PCDHGA3: variants seen among roughly 807,000 people sequenced by gnomAD.
The protein encoded by PCDHGA3 is protocadherin gamma subfamily A, 3, also known as protocadherin gamma-A3.
In PCDHGA3, 40 loss-of-function variants were observed where a neutral mutation model predicts 58.5. The observed-to-expected ratio is 0.68, with a 90% CI of 0.53 to 0.89. PCDHGA3 has a LOEUF of 0.89. Among genes scored for constraint, PCDHGA3 ranks in the 40% least tolerant of loss-of-function variants. The pLI is 0.00. For synonymous variants in PCDHGA3, 530 were observed against 525.7 expected, an observed-to-expected ratio of 1.01 and a Z score of -0.11; for missense variants, 1,223 against 1,195.9, an observed-to-expected ratio of 1.02 and a Z score of -0.33.
intron 1 of PCDHGA3, chr5:141,417,735 C>T (rs1408012587): frequency 1.4e-6 from 2 of 1,398,382 alleles, no homozygotes; most frequent in African/African-American, 2.9e-5. Flanking sequence ...CCTTGCCCAG[C>T]ACACCAGATT....
chr5:141,427,936 G>A, intron 1 of PCDHGA3: 1 of 1,584,966 alleles, frequency 6.3e-7, no homozygotes, highest in Admixed American at 1.7e-5. Context: ...ATGTTGGTGG[G>A]CGACCTCAAT....
intron 1 of PCDHGA3, among the ~76,000 whole-genome samples, chr5:141,467,951 A>G (rs2099155044): frequency 6.6e-6 from 1 of 151,944 alleles, no homozygotes; most frequent in East Asian, 1.9e-4. Context: ...GAGCCACCAC[A>G]CCCGGCTGCC....
chr5:141,485,070 G>T lies in PCDHGA3; in HGVS notation c.2425-9737G>T. ...CGCCGGCCGAACCGCGCCAGAGCTG[G>T]CGCGGGGAAAGGGAGATAGGTGTCT... On this transcript the variant is annotated intron_variant, in intron 1 of 3. Coordinates refer to ENST00000253812, the MANE Select transcript of PCDHGA3 (RefSeq NM_018916.4). This position sits in a 1 kb window ranked among gnomAD's most constrained non-coding sequence, Gnocchi z 5.7. 1.1e-6 allele frequency: 1 copy of T among 908,406 alleles called. No individual in the cohort carries two copies. Among genetic ancestry groups the T allele is most frequent in the East Asian group, 2.4e-5 (1 of 41,326 alleles). 56.3% of individuals were successfully genotyped at this position (908,406 alleles called of 1,614,324 possible).
intron 1 of PCDHGA3, chr5:141,366,318 C>T (rs767826248): frequency 8.7e-6 from 14 of 1,613,774 alleles, no homozygotes; most frequent in Non-Finnish European, 1.2e-5. Flanking sequence ...GTCACCGTTG[C>T]CGTGGCCGAC....
intron 1 of PCDHGA3, chr5:141,414,585 C>CA: frequency 6.2e-7 from 1 of 1,613,968 alleles, no homozygotes; most frequent in East Asian, 2.2e-5. Flanking sequence ...AGAACAACGC[C>CA]AGGGGTGCCT....
chr5:141,428,180 C>A, intron 1 of PCDHGA3: 1 of 1,486,268 alleles, frequency 6.7e-7, no homozygotes, highest in Non-Finnish European at 9.2e-7. Flanking sequence ...TGACGGAGGA[C>A]AGCCGCCGCT....
At chr5:141,404,252 A>G (rs2094504105) in intron 1 of PCDHGA3, 8 of 1,613,986 alleles carry the variant, frequency 5.0e-6, no homozygotes, top group South Asian at 1.1e-5. Context: ...GCCCCTGTCC[A>G]CAGAAATTCA....
At position 141,485,402 on chromosome 5, in the gene PCDHGA3, G is replaced by T. The variant is rs375700791; in HGVS notation, c.2425-9405G>T. ...AGAGGTGAACCAAAGACACTTCCGTGTGGATTTGGACAGCGGAGCCCTGCT... is the reference window on the plus strand; with the variant it reads ...AGAGGTGAACCAAAGACACTTCCGTTTGGATTTGGACAGCGGAGCCCTGCT... On this transcript the variant is annotated intron_variant, in intron 1 of 3. Coordinates refer to ENST00000253812, the MANE Select transcript of PCDHGA3 (RefSeq NM_018916.4). This position sits in a 1 kb window ranked among gnomAD's most constrained non-coding sequence, Gnocchi z 5.7. The T allele has an allele frequency of 6.2e-7, 1 of 1,614,194 alleles. No homozygotes were observed. Among genetic ancestry groups the T allele is most frequent in the East Asian group, 2.2e-5 (1 of 44,878 alleles).
chr5:141,419,311 C>T (rs745852942), intron 1 of PCDHGA3: 4 of 1,613,876 alleles, frequency 2.5e-6, no homozygotes, highest in East Asian at 4.5e-5. Context: ...TCGGGCTCAA[C>T]GGCCGTGTCT....
intron 1 of PCDHGA3, chr5:141,366,578 C>T: frequency 6.2e-7 from 1 of 1,614,264 alleles, no homozygotes; most frequent in Non-Finnish European, 8.5e-7. Flanking sequence ...TCGGGCTTTC[C>T]TGCAGACCTA....
At position 141,431,495 on chromosome 5, in the gene PCDHGA3, G is replaced by A. The variant is rs557611439; in HGVS notation, c.2425-63312G>A. The A allele has an allele frequency of 4.3e-6, 7 of 1,613,864 alleles. No homozygotes were observed. The highest frequency in any genetic ancestry group is 1.1e-5 in the South Asian group (1 of 91,092). On this transcript the variant is annotated intron_variant, in intron 1 of 3. Coordinates refer to ENST00000253812, the MANE Select transcript of PCDHGA3 (RefSeq NM_018916.4). This position sits in a 1 kb window ranked among gnomAD's most constrained non-coding sequence, Gnocchi z 4.8. ...CAACGCACCAGCGTTTGCTCAGCCC[G>A]AGTACCGCGCGAGCGTTCCGGAGAA...
chr5:141,395,489 A>C (rs1268928793), intron 1 of PCDHGA3: 1 of 480,438 alleles, frequency 2.1e-6, no homozygotes, highest in Non-Finnish European at 3.6e-6. Flanking sequence ...TCCTATTATC[A>C]CTCATTCACT....
At chr5:141,362,170 C>G (rs1394296027) in intron 1 of PCDHGA3, 1 of 1,613,918 alleles carries the variant, frequency 6.2e-7, no homozygotes, top group Non-Finnish European at 8.5e-7. Flanking sequence ...CAGCGACCGC[C>G]GGGAGCCCTC....
At chr5:141,484,801 A>G (rs1285617622) in intron 1 of PCDHGA3, among the ~76,000 whole-genome samples, 3 of 152,024 alleles carry the variant, frequency 2.0e-5, no homozygotes, top group African/African-American at 7.2e-5. Flanking sequence ...CAACCCGTGG[A>G]AAAACATGCC....
At chr5:141,484,639 C>A (rs1366750263) in intron 1 of PCDHGA3, among the ~76,000 whole-genome samples, 1 of 151,938 alleles carries the variant, frequency 6.6e-6, no homozygotes, top group Non-Finnish European at 1.5e-5. Context: ...AGTGACCACT[C>A]TCCAATGGCT....
At chr5:141,466,384 T>C (rs1209046694) in intron 1 of PCDHGA3, among the ~76,000 whole-genome samples, 9 of 152,168 alleles carry the variant, frequency 5.9e-5, no homozygotes, top group Non-Finnish European at 1.3e-4. Context: ...ACCCATCTAA[T>C]GGAAAGTTTG....
intron 1 of PCDHGA3, chr5:141,374,609 A>T (rs1189289267): frequency 1.9e-6 from 3 of 1,613,652 alleles, no homozygotes; most frequent in Non-Finnish European, 2.5e-6. Context: ...CAGTGGTAAT[A>T]GTCACTTCTC....
At chr5:141,508,859 G>C (rs1268915304) in intron 3 of PCDHGA3, among the ~76,000 whole-genome samples, 1 of 152,086 alleles carries the variant, frequency 6.6e-6, no homozygotes, top group Non-Finnish European at 1.5e-5. Flanking sequence ...CCCAGGCTGG[G>C]AAAGGCTGAA....
At chr5:141,474,419 A>AT (rs1348108901) in intron 1 of PCDHGA3, among the ~76,000 whole-genome samples, 1 of 152,204 alleles carries the variant, frequency 6.6e-6, no homozygotes, top group Non-Finnish European at 1.5e-5. Context: ...TGCCTAGACC[A>AT]TTGGTCCTCA....
Sources: allele counts gnomAD v4.1 joint callset (sites outside exome capture counted in the v4.1 genomes callset), GRCh38; gene constraint gnomAD v4.1.1; non-coding constraint Gnocchi (gnomAD v3.1); transcripts MANE v1.5; gene names NCBI Gene and HGNC (gene_info 2026-07-23, HGNC 2026-07-21).